The following SAMD5 variants were observed in gnomAD, a reference collection of about 807,000 sequenced individuals.
SAMD5 encodes the protein sterile alpha motif domain containing 5, also known as sterile alpha motif domain-containing protein 5.
A neutral mutation model predicts 11.3 loss-of-function variants in SAMD5; 13 were observed. The ratio of observed to expected loss-of-function variants is 1.15; its 90% CI spans 0.75 to 1.83. SAMD5 has a LOEUF of 1.83. Ranked by LOEUF, SAMD5 falls within the 40% of genes most tolerant of loss-of-function variation. SAMD5 has a pLI of 0.00. For missense variants in SAMD5, 255 were observed against 239.1 expected (o/e 1.07, Z -0.44); for synonymous variants, 129 against 111.3 (o/e 1.16, Z -1.00).
chr6:147,700,717 T>G (rs1791242422), intron 1 of SAMD5, among the ~76,000 whole-genome samples: 1 of 152,270 alleles, frequency 6.6e-6, no homozygotes, highest in Admixed American at 6.5e-5. Flanking sequence ...TCAAAAGGAC[T>G]TGGCTTTAGC....
intron 1 of SAMD5, among the ~76,000 whole-genome samples, chr6:147,516,175 A>G (rs1443748084): frequency 6.6e-6 from 1 of 152,226 alleles, no homozygotes; most frequent in Non-Finnish European, 1.5e-5. Flanking sequence ...ATCATACACC[A>G]AGTCACCTAC....
At chr6:147,768,752 A>T in the SAMD5 span, among the ~76,000 whole-genome samples, 1 of 152,182 alleles carries the variant, frequency 6.6e-6, no homozygotes, top group Non-Finnish European at 1.5e-5. Context: ...GAACTTATCC[A>T]TCACCTCACA....
chr6:147,643,744 A>AGAAGGAAGGAAAGAAG (rs1276951233), intron 1 of SAMD5, among the ~76,000 whole-genome samples: 8 of 116,072 alleles, frequency 6.9e-5, no homozygotes, highest in African/African-American at 2.2e-4. Flanking sequence ...AGGGAAGGAA[A>AGAAGGAAGGAAAGAAG]GAAGGAAGGA....
chr6:147,631,181 T>A (rs766801212), intron 1 of SAMD5, among the ~76,000 whole-genome samples: 13 of 152,116 alleles, frequency 8.5e-5, no homozygotes, highest in Non-Finnish European at 1.8e-4. Context: ...GAAGGAGAAT[T>A]TGTCATATAG....
At chr6:147,546,100 C>A (rs992877394) in intron 1 of SAMD5, among the ~76,000 whole-genome samples, 1 of 152,136 alleles carries the variant, frequency 6.6e-6, no homozygotes, top group Non-Finnish European at 1.5e-5. Context: ...CTGGCTCCTG[C>A]GAAGTCCTTA....
chr6:147,545,569 G>A (rs1407806497), intron 1 of SAMD5, among the ~76,000 whole-genome samples: 2 of 152,100 alleles, frequency 1.3e-5, no homozygotes, highest in East Asian at 3.9e-4. Context: ...TTGGGGGCAG[G>A]GGCTGTGGGG....
the SAMD5 span, among the ~76,000 whole-genome samples, chr6:147,900,683 C>T: frequency 9.9e-5 from 15 of 152,154 alleles, no homozygotes; most frequent in African/African-American, 1.7e-4. Context: ...TTATCTGTGT[C>T]GCTTTGAATG....
chr6:147,879,315 G>A, the SAMD5 span, among the ~76,000 whole-genome samples: 1 of 152,214 alleles, frequency 6.6e-6, no homozygotes, highest in Non-Finnish European at 1.5e-5. Context: ...TGCGCAGGCT[G>A]ATGCCTTAAG....
the SAMD5 span, among the ~76,000 whole-genome samples, chr6:147,920,501 C>T: frequency 6.6e-6 from 1 of 152,178 alleles, no homozygotes; most frequent in African/African-American, 2.4e-5. Flanking sequence ...TGTAGGACTT[C>T]ACTTTGTGAT....
chr6:147,952,484 T>G, the SAMD5 span, among the ~76,000 whole-genome samples: 1 of 152,162 alleles, frequency 6.6e-6, no homozygotes, highest in Non-Finnish European at 1.5e-5. Flanking sequence ...TTGCTGAAAC[T>G]AAGCCTTTTT....
chr6:147,924,707 A>G, the SAMD5 span, among the ~76,000 whole-genome samples: 1 of 151,600 alleles, frequency 6.6e-6, no homozygotes, highest in African/African-American at 2.4e-5. Context: ...AACAAAATTC[A>G]TAAATTATAT....
intron 1 of SAMD5, among the ~76,000 whole-genome samples, chr6:147,655,010 A>G (rs1790545267): frequency 6.6e-6 from 1 of 152,142 alleles, no homozygotes; most frequent in Admixed American, 6.5e-5. Flanking sequence ...GTGTTTAGTT[A>G]TCATCATCAA....
chr6:147,524,963 TAC>T (rs1788314292), intron 1 of SAMD5, among the ~76,000 whole-genome samples: 2 of 152,026 alleles, frequency 1.3e-5, no homozygotes, highest in Admixed American at 6.6e-5. Flanking sequence ...TTAAGTAACT[TAC>T]ACAAAGTCAC....
At chr6:147,609,131 C>G (rs1395902833) in intron 1 of SAMD5, among the ~76,000 whole-genome samples, 1 of 152,098 alleles carries the variant, frequency 6.6e-6, no homozygotes. Context: ...GAAGTCCTAA[C>G]CCTCAGTACC....
the SAMD5 span, among the ~76,000 whole-genome samples, chr6:147,889,509 C>T: frequency 6.6e-6 from 1 of 152,162 alleles, no homozygotes; most frequent in East Asian, 1.9e-4. Flanking sequence ...TCTTTATATG[C>T]TGTATAATTT....
the SAMD5 span, among the ~76,000 whole-genome samples, chr6:147,891,476 T>C: frequency 2.0e-5 from 3 of 152,084 alleles, no homozygotes; most frequent in East Asian, 3.9e-4. Flanking sequence ...TAGAGGAACA[T>C]AATAGAATTT....
chr6:147,527,816 A>G (rs1303126073), intron 1 of SAMD5, among the ~76,000 whole-genome samples: 1 of 152,122 alleles, frequency 6.6e-6, no homozygotes, highest in Admixed American at 6.6e-5. Context: ...TTTTTTTATA[A>G]AGAGGTAATT....
At chr6:147,618,398 A>C (rs9497821) in intron 1 of SAMD5, among the ~76,000 whole-genome samples, 77,377 of 151,952 alleles carry the variant, frequency 0.51, 20,705 homozygotes, top group South Asian at 0.67. Flanking sequence ...TAGTGGGGCA[A>C]CATGAGGGGG....
At chr6:147,634,350 CACTT>C (rs539494102) in intron 1 of SAMD5, among the ~76,000 whole-genome samples, 146 of 152,264 alleles carry the variant, frequency 9.6e-4, no homozygotes, top group South Asian at 4.1e-4. Context: ...GTTGTACACA[CACTT>C]TTAAACAACC....
Sources: allele counts gnomAD v4.1 joint callset (sites outside exome capture counted in the v4.1 genomes callset), GRCh38; gene constraint gnomAD v4.1.1; transcripts MANE v1.5; gene names NCBI Gene and HGNC (gene_info 2026-07-23, HGNC 2026-07-21).